Variants in TOMM7 observed in about 807,000 individuals in gnomAD.
TOMM7 encodes mitochondrial import receptor subunit TOM7 homolog.
TOMM7 carries 8 observed loss-of-function variants against 9.5 expected under a neutral mutation model. That is an observed-to-expected ratio of 0.84 (90% CI 0.49 to 1.51). The LOEUF (loss-of-function observed/expected upper bound fraction) is 1.51. TOMM7 is among the 40% of genes most tolerant of loss of function. The pLI is 0.00. For synonymous variants in TOMM7, 27 were observed against 21.4 expected (o/e 1.26, Z -0.72); for missense variants, 74 against 63.7 (o/e 1.16, Z -0.55).
At chr7:22,818,177 T>C (rs41273966) in intron 1 of TOMM7, 129 bp from the exon 2 acceptor site, 4 of 777,640 alleles carry the variant, frequency 5.1e-6, no homozygotes, top group Non-Finnish European at 8.5e-6. Context: ...GACCAACCAG[T>C]ACTATCTAAA....
intron 1 of TOMM7, among the ~76,000 whole-genome samples, chr7:22,821,167 T>C (rs989731621): frequency 6.6e-6 from 1 of 152,082 alleles, no homozygotes; most frequent in Non-Finnish European, 1.5e-5. Context: ...ATCCCAGCAC[T>C]TTGGGAGGCC....
chr7:22,813,069 A>T lies in TOMM7; in HGVS notation c.*101T>A. On this transcript the variant is annotated 3_prime_UTR_variant, in exon 3 of 3. Transcript: ENST00000358435. ...GTCTGTGAAGAGCCTTGTGCCATCC[A>T]ACTAGTGACTGAATGATGTCCCATC... 1 of 1,232,356 alleles carries T rather than the reference A, an allele frequency of 8.1e-7. No homozygotes were observed. Among genetic ancestry groups the T allele is most frequent in the Non-Finnish European group, 1.2e-6 (1 of 833,878 alleles). 76.3% of individuals were successfully genotyped at this position (1,232,356 alleles called of 1,614,324 possible).
In TOMM7 at chr7:22,814,986, T is replaced by C. The variant is rs1192593528; in HGVS notation, c.153-1801A>G. On this transcript the variant is annotated intron_variant, in intron 2 of 2. Coordinates refer to ENST00000358435, the MANE Select transcript of TOMM7 (RefSeq NM_019059.5). ...GATTAGGCAGCTCAGATCTCTCTAGTCACTCTTCCCAGTGCAGGGAGCACA... is the reference window on the plus strand; with the variant it reads ...GATTAGGCAGCTCAGATCTCTCTAGCCACTCTTCCCAGTGCAGGGAGCACA... Among the ~76,000 whole-genome samples, 5 of 152,324 alleles carry C rather than the reference T, an allele frequency of 3.3e-5. No individual in the cohort carries two copies. The Middle Eastern group carries it at 0.014, about 414-fold the overall frequency.
intron 2 of TOMM7, 178 bp downstream of exon 2, chr7:22,817,822 C>G (rs530618953): frequency 5.2e-6 from 3 of 577,382 alleles, no homozygotes; most frequent in Non-Finnish European, 9.5e-6. Context: ...TAACATGGTA[C>G]AGTAAATACA....
At chr7:22,818,981 A>T (rs571859929) in intron 1 of TOMM7, among the ~76,000 whole-genome samples, 1 of 152,046 alleles carries the variant, frequency 6.6e-6, no homozygotes, top group African/African-American at 2.4e-5. Context: ...CTCCTTTTAT[A>T]AAACAAAGAC....
At chr7:22,822,213 CA>C in intron 1 of TOMM7, 1 of 1,550,900 alleles carries the variant, frequency 6.4e-7, no homozygotes, top group Non-Finnish European at 8.7e-7. Flanking sequence ...GGTAAGAAAG[CA>C]GAGGCATCCA....
intron 2 of TOMM7, among the ~76,000 whole-genome samples, chr7:22,816,626 A>T (rs909038521): frequency 2.6e-5 from 4 of 152,236 alleles, no homozygotes; most frequent in Non-Finnish European, 5.9e-5. Flanking sequence ...AAAACAGAAT[A>T]ACTGCAGAAG....
chr7:22,819,387 G>C (rs1161875865), intron 1 of TOMM7, among the ~76,000 whole-genome samples: 1 of 103,106 alleles, frequency 9.7e-6, no homozygotes, highest in African/African-American at 4.0e-5. Context: ...TTTTTTTTTT[G>C]AGACGGAGTC....
chr7:22,814,745 G>A (rs1369948768), intron 2 of TOMM7, among the ~76,000 whole-genome samples: 2 of 152,052 alleles, frequency 1.3e-5, no homozygotes, highest in Non-Finnish European at 2.9e-5. Flanking sequence ...AGTCATCCTG[G>A]GTGAAAGAGG....
intron 1 of TOMM7, among the ~76,000 whole-genome samples, chr7:22,821,382 C>G (rs1782387494): frequency 6.9e-6 from 1 of 145,478 alleles, no homozygotes; most frequent in African/African-American, 2.6e-5. Flanking sequence ...TGCACTCCAG[C>G]CTGGGCGAGG....
At chr7:22,818,077 A>T (rs757711816) in intron 1 of TOMM7, 29 bp from the exon 2 acceptor site, 1 of 1,604,604 alleles carries the variant, frequency 6.2e-7, no homozygotes. Context: ...AAGAGAAAAA[A>T]TATTAATTAA....
intron 1 of TOMM7, among the ~76,000 whole-genome samples, chr7:22,820,740 C>A (rs1220190559): frequency 6.6e-6 from 1 of 152,098 alleles, no homozygotes; most frequent in African/African-American, 2.4e-5. Flanking sequence ...GGGGACAACA[C>A]CAACTGTCAT....
At chr7:22,814,199 A>G (rs1782287400) in intron 2 of TOMM7, among the ~76,000 whole-genome samples, 1 of 151,358 alleles carries the variant, frequency 6.6e-6, no homozygotes, top group Non-Finnish European at 1.5e-5. Flanking sequence ...AAAATACAAA[A>G]ATTAGCCGGA....
intron 2 of TOMM7, chr7:22,817,497 T>C: frequency 4.2e-6 from 1 of 239,998 alleles, no homozygotes; most frequent in Non-Finnish European, 8.9e-6. Flanking sequence ...CCCATGATCT[T>C]CCCACCTTGG....
intron 2 of TOMM7, among the ~76,000 whole-genome samples, chr7:22,814,875 G>A (rs1221918002): frequency 6.6e-6 from 1 of 152,122 alleles, no homozygotes; most frequent in Non-Finnish European, 1.5e-5. Flanking sequence ...AATATATGTA[G>A]AAACAACAGA....
In TOMM7 at chr7:22,813,794, T is replaced by C. The variant is rs188597798; in HGVS notation, c.153-609A>G. Among the ~76,000 whole-genome samples, 471 of 149,148 alleles carry C rather than the reference T, an allele frequency of 3.2e-3. 2 individuals carry two copies. The highest frequency in any genetic ancestry group is 3.1e-3 in the Non-Finnish European group (209 of 67,702). On this transcript the variant is annotated intron_variant, in intron 2 of 2. Transcript: ENST00000358435. The stretch of plus-strand genomic sequence containing the variant: ...TAAGAAGCCCAAACTCCCAAATCAT[T>C]TGCTGACTCCAATAGAGTGTAGGAA...
chr7:22,818,948 G>T (rs1320935554), intron 1 of TOMM7, among the ~76,000 whole-genome samples: 2 of 136,698 alleles, frequency 1.5e-5, no homozygotes, highest in African/African-American at 5.3e-5. Flanking sequence ...CACAACTGAG[G>T]ATATTTTATC....
intron 1 of TOMM7, among the ~76,000 whole-genome samples, chr7:22,819,959 A>G (rs1020065988): frequency 6.6e-6 from 1 of 152,166 alleles, no homozygotes; most frequent in Non-Finnish European, 1.5e-5. Context: ...TGAAGCACTG[A>G]AAGTTATGAT....
At chr7:22,816,686 C>T (rs1194000997) in intron 2 of TOMM7, among the ~76,000 whole-genome samples, 3 of 152,190 alleles carry the variant, frequency 2.0e-5, no homozygotes, top group African/African-American at 7.2e-5. Flanking sequence ...ATAAAAAAGA[C>T]CTTCCTCTGA....
Sources: allele counts gnomAD v4.1 joint callset (sites outside exome capture counted in the v4.1 genomes callset), GRCh38; gene constraint gnomAD v4.1.1; transcripts MANE v1.5; gene names NCBI Gene and HGNC (gene_info 2026-07-23, HGNC 2026-07-21).